TRPC7: variants seen among roughly 807,000 people sequenced by gnomAD.
The protein encoded by TRPC7 is short transient receptor potential channel 7.
In TRPC7, 42 loss-of-function variants were observed where a neutral mutation model predicts 90.1. The ratio of observed to expected loss-of-function variants is 0.47; its 90% CI spans 0.36 to 0.60. The LOEUF is 0.60. Among genes scored for constraint, TRPC7 ranks in the 20% least tolerant of loss-of-function variants. The pLI is 0.00. For missense variants in TRPC7, 955 were observed against 1,112.3 expected, an observed-to-expected ratio of 0.86 and a Z score of 2.01; for synonymous variants, 451 against 436.3, an observed-to-expected ratio of 1.03 and a Z score of -0.42.
chr5:136,216,536 A>G (rs906596985), intron 10 of TRPC7, among the ~76,000 whole-genome samples: 2 of 152,178 alleles, frequency 1.3e-5, no homozygotes, highest in Non-Finnish European at 1.5e-5. Flanking sequence ...AAGCTGAGCC[A>G]AGCAGAGAGA....
intron 4 of TRPC7, among the ~76,000 whole-genome samples, chr5:136,269,704 C>T (rs906727605): frequency 3.9e-5 from 6 of 152,122 alleles, no homozygotes; most frequent in South Asian, 2.1e-4. Flanking sequence ...TGCACAGCTT[C>T]GGGGTTGGGT....
At chr5:136,359,298 T>C (rs1760487448) in intron 1 of TRPC7, among the ~76,000 whole-genome samples, 1 of 152,192 alleles carries the variant, frequency 6.6e-6, no homozygotes. Context: ...AAAAAGCTCC[T>C]AAATTATATA....
chr5:136,293,872 G>A (rs1336618249), intron 3 of TRPC7, among the ~76,000 whole-genome samples: 10 of 152,194 alleles, frequency 6.6e-5, no homozygotes, highest in East Asian at 1.9e-4. Flanking sequence ...GAGGCATCAC[G>A]CTACCTGACT....
intron 3 of TRPC7, among the ~76,000 whole-genome samples, chr5:136,307,217 G>A (rs1488447443): frequency 5.3e-5 from 8 of 151,922 alleles, no homozygotes; most frequent in Non-Finnish European, 1.0e-4. Context: ...ACCATGTTGT[G>A]CAATAAATCT....
chr5:136,324,435 C>G (rs1759284950), intron 2 of TRPC7, among the ~76,000 whole-genome samples: 1 of 152,108 alleles, frequency 6.6e-6, no homozygotes, highest in African/African-American at 2.4e-5. Context: ...ATTCAGTAAG[C>G]AGTTTTGTAG....
chr5:136,345,116 C>T (rs1759964864), intron 2 of TRPC7, among the ~76,000 whole-genome samples: 1 of 151,934 alleles, frequency 6.6e-6, no homozygotes, highest in African/African-American at 2.4e-5. Context: ...AAAAAGGTTG[C>T]TTTTTGGAGG....
chr5:136,284,812 A>C (rs568590576), intron 3 of TRPC7, among the ~76,000 whole-genome samples: 20 of 152,300 alleles, frequency 1.3e-4, no homozygotes, highest in African/African-American at 4.8e-4. Flanking sequence ...AGTCAGGAAA[A>C]GCATGCTGAG....
chr5:136,266,242 C>T lies in TRPC7; in HGVS notation c.1323G>A (p.Met441Ile), dbSNP rs747658098. The T allele has an allele frequency of 6.2e-7, 1 of 1,613,828 alleles. No homozygotes were observed. Residue 441 changes from methionine to isoleucine, a missense_variant, in exon 5 of 12, where the codon ATG becomes ATA. By Grantham distance (10) the Met-to-Ile change is conservative. Around this residue, in one of 4 missense-constraint regions of TRPC7, gnomAD observed 484 missense variants for 509.6 expected, o/e 0.95. Coordinates refer to ENST00000513104, the MANE Select transcript of TRPC7 (RefSeq NM_020389.3). ...TACCTAAGACCCACTTCATAATGAG[C>T]ATTTCTGTCCAGGAGAACTGTGTGG... ...VKTTQFSWTE[M>I]LIMKWVLGMI...
At chr5:136,278,645 C>T (rs1430964837) in intron 3 of TRPC7, among the ~76,000 whole-genome samples, 1 of 152,180 alleles carries the variant, frequency 6.6e-6, no homozygotes, top group Non-Finnish European at 1.5e-5. Context: ...TTCATACCAT[C>T]ATCTGGAGGG....
chr5:136,236,543 G>C (rs914743750), intron 7 of TRPC7, among the ~76,000 whole-genome samples: 1 of 152,186 alleles, frequency 6.6e-6, no homozygotes, highest in Non-Finnish European at 1.5e-5. Flanking sequence ...AAGTAAAGGA[G>C]GAAAAGTGCC....
intron 5 of TRPC7, among the ~76,000 whole-genome samples, chr5:136,264,805 C>T (rs1756970877): frequency 6.6e-6 from 1 of 152,090 alleles, no homozygotes; most frequent in African/African-American, 2.4e-5. Flanking sequence ...GTTGATCAGG[C>T]TGGTCTCAAA....
Position 136,212,750 on chromosome 5 carries a change from A to G in TRPC7, c.*685T>C, listed in dbSNP as rs1755133172. On this transcript the variant is annotated 3_prime_UTR_variant, in exon 12 of 12. Transcript: ENST00000513104. ...TGGTAGCGTATCCACAGAAGTTATTATGAGGTAATTTTATTTCTTTCCATT... is the reference window on the plus strand; with the variant it reads ...TGGTAGCGTATCCACAGAAGTTATTGTGAGGTAATTTTATTTCTTTCCATT... 6.6e-6 allele frequency among the ~76,000 whole-genome samples: 1 copy of G among 152,234 alleles called. No homozygotes were observed. Among genetic ancestry groups the G allele is most frequent in the Non-Finnish European group, 1.5e-5 (1 of 68,038 alleles).
At chr5:136,355,665 G>C (rs1241105638) in intron 2 of TRPC7, among the ~76,000 whole-genome samples, 1 of 152,168 alleles carries the variant, frequency 6.6e-6, no homozygotes, top group Non-Finnish European at 1.5e-5. Flanking sequence ...GGACATGGTG[G>C]TGGGCACCTG....
At chr5:136,241,693 A>C (rs1157079356) in intron 7 of TRPC7, among the ~76,000 whole-genome samples, 1 of 152,108 alleles carries the variant, frequency 6.6e-6, no homozygotes, top group African/African-American at 2.4e-5. Context: ...GTATCTGGGA[A>C]AACAGGTGCG....
chr5:136,248,931 T>C (rs1204674326), intron 6 of TRPC7, among the ~76,000 whole-genome samples: 1 of 152,258 alleles, frequency 6.6e-6, no homozygotes, highest in East Asian at 1.9e-4. Flanking sequence ...GGGATGCTAA[T>C]GTCCTGCAAT....
chr5:136,320,532 G>A (rs1759163167), intron 2 of TRPC7, among the ~76,000 whole-genome samples: 1 of 152,086 alleles, frequency 6.6e-6, no homozygotes, highest in Non-Finnish European at 1.5e-5. Flanking sequence ...CTTCCTTGGA[G>A]ATTTTAGTTC....
chr5:136,219,410 G>C (rs1404920864), intron 10 of TRPC7, among the ~76,000 whole-genome samples: 1 of 152,200 alleles, frequency 6.6e-6, no homozygotes, highest in Non-Finnish European at 1.5e-5. Flanking sequence ...CACCTCCAGG[G>C]CACTTCCCAG....
chr5:136,266,507 G>A (rs1010452628), intron 4 of TRPC7, 71 bp from the exon 5 acceptor site: 18 of 1,339,154 alleles, frequency 1.3e-5, no homozygotes, highest in Non-Finnish European at 1.8e-5. Flanking sequence ...TTATAACATC[G>A]CTTTCACCAA....
At position 136,226,198 on chromosome 5, in the gene TRPC7, C is replaced by T; in HGVS notation, c.2098G>A (p.Asp700Asn). Residue 700 changes from aspartate (D) to asparagine (N), a missense_variant, in exon 9 of 12, where the codon GAT (aspartate) becomes AAT (asparagine). By Grantham distance (23) the Asp-to-Asn change is conservative. Coordinates refer to ENST00000513104, the MANE Select transcript of TRPC7 (RefSeq NM_020389.3). ...GGAGCAGGTAGAGTTCTTCCTTCAT[C>T]AAAGTAAGACAGCCAGAGTTTTGCT... ...ARAKLWLSYFDEGRTLPAPFN... is the reference protein window; with the variant it reads ...ARAKLWLSYFNEGRTLPAPFN... 6.4e-7 allele frequency: 1 copy of T among 1,552,856 alleles called. No individual in the cohort carries two copies. Among genetic ancestry groups the T allele is most frequent in the South Asian group, 1.2e-5 (1 of 84,144 alleles).
Sources: allele counts gnomAD v4.1 joint callset (sites outside exome capture counted in the v4.1 genomes callset), GRCh38; gene constraint gnomAD v4.1.1; regional missense constraint gnomAD v4.1.1; transcripts MANE v1.5; gene names NCBI Gene and HGNC (gene_info 2026-07-23, HGNC 2026-07-21).